CSNK1D: variants seen among roughly 807,000 people sequenced by gnomAD.
CSNK1D encodes casein kinase I isoform delta.
Under a neutral mutation model 46.6 loss-of-function variants are expected in CSNK1D, and 16 were observed. That is an observed-to-expected ratio of 0.34 (90% CI 0.23 to 0.52). The LOEUF is 0.52. CSNK1D is among the 20% of genes least tolerant of loss of function. The pLI, the probability that CSNK1D is intolerant of heterozygous loss-of-function variation, is 0.95. For missense variants in CSNK1D, 398 were observed against 578.4 expected (o/e 0.69, Z 3.20); for synonymous variants, 276 against 228.2 (o/e 1.21, Z -1.89).
chr17:82,240,140 G>T (rs568578625), downstream of CSNK1D: 2 of 1,116,610 alleles, frequency 1.8e-6, no homozygotes, highest in Non-Finnish European at 2.3e-6. Context: ...CGCCAGCTGG[G>T]CTTGAGCTCT....
rs1011742227 is a variant in CSNK1D at position 82,265,421 on chromosome 17, C to T, written c.187+265G>A. Reference sequence around the variant, plus strand: ...CTCAAACTACTGACCTCAAATGATCCACCCATCTTGGCCTCCCAAAGTGCT... The same window carrying T: ...CTCAAACTACTGACCTCAAATGATCTACCCATCTTGGCCTCCCAAAGTGCT... On this transcript the variant is annotated intron_variant, in intron 2 of 8. Transcript: ENST00000314028. 23 of 452,742 alleles carry T rather than the reference C, an allele frequency of 5.1e-5. 1 individual carries two copies. Among genetic ancestry groups the T allele is most frequent in the South Asian group, 4.7e-4 (23 of 49,118 alleles). 28.0% of individuals were successfully genotyped at this position (452,742 alleles called of 1,614,324 possible).
chr17:82,254,940 A>G (rs1188086457), intron 3 of CSNK1D, among the ~76,000 whole-genome samples: 7 of 135,436 alleles, frequency 5.2e-5, no homozygotes, highest in South Asian at 2.4e-4. Context: ...GAGCCATCGG[A>G]GCCTCGACAA....
At chr17:82,239,524 T>G (rs1294844420), downstream of CSNK1D, 2 of 175,050 alleles carry the variant, frequency 1.1e-5, no homozygotes, top group East Asian at 3.2e-4. Context: ...GTGGCCTGTG[T>G]CCTGACTCGC....
chr17:82,251,584 C>T lies in CSNK1D; in HGVS notation c.737-57G>A. On this transcript the variant is annotated intron_variant, in intron 5 of 8. Transcript: ENST00000314028. The surrounding 1 kb of genome is among the most constrained non-coding windows in gnomAD (Gnocchi z 4.5). ...GAAACCCAACTGCGACTCAAGGTGT[C>T]TCTGCCAACGTCGCTGTCTACCTCC... 6.3e-7 allele frequency: 1 copy of T among 1,592,156 alleles called. No homozygotes were observed. The highest frequency in any genetic ancestry group is 1.1e-5 in the South Asian group (1 of 89,694).
downstream of CSNK1D, among the ~76,000 whole-genome samples, chr17:82,241,546 A>G (rs1281766201): frequency 6.6e-6 from 1 of 152,216 alleles, no homozygotes; most frequent in Non-Finnish European, 1.5e-5. Context: ...GAACCCCAGG[A>G]GGGCAGCTGC....
At chr17:82,246,980 C>G (rs950015710) in intron 8 of CSNK1D, 4 of 985,360 alleles carry the variant, frequency 4.1e-6, no homozygotes, top group Admixed American at 6.1e-5. Flanking sequence ...TGTGCTGGTG[C>G]TGGCAGAGTC....
At chr17:82,245,527 C>T (rs779427169) in intron 8 of CSNK1D, 2 of 234,070 alleles carry the variant, frequency 8.5e-6, no homozygotes, top group Non-Finnish European at 8.6e-6. Flanking sequence ...CAGAGTGTGG[C>T]GCAGCAAGAG....
intron 2 of CSNK1D, among the ~76,000 whole-genome samples, chr17:82,262,603 T>C (rs1029068754): frequency 1.3e-5 from 2 of 152,074 alleles, no homozygotes; most frequent in African/African-American, 2.4e-5. Context: ...TTTTCAGAGA[T>C]AGCAGGACAA....
chr17:82,247,982 C>G (rs907612012), intron 8 of CSNK1D: 1 of 985,484 alleles, frequency 1.0e-6, no homozygotes, highest in Non-Finnish European at 1.2e-6. Flanking sequence ...CACCCAGCCC[C>G]GCTCACGGCA....
chr17:82,241,293 C>T (rs74513302), downstream of CSNK1D, among the ~76,000 whole-genome samples: 314 of 152,324 alleles, frequency 2.1e-3, 4 homozygotes, highest in Admixed American at 0.016. Context: ...CCAGAAAGGG[C>T]TTGGTGGCCC....
At position 82,273,452 on chromosome 17, in the gene CSNK1D, G is replaced by A; in HGVS notation, c.-71C>T. On this transcript the variant is annotated 5_prime_UTR_variant, in exon 1 of 9. Transcript: ENST00000314028. This position sits in a 1 kb window ranked among gnomAD's most constrained non-coding sequence, Gnocchi z 5.1. ...GGTCTGAACTCTGGGAGGCGGCGCC[G>A]CTGCTGCCGCTACTGCGGGTCCGGC... 6.4e-7 allele frequency: 1 copy of A among 1,569,470 alleles called. No individual in the cohort carries two copies. Among genetic ancestry groups the A allele is most frequent in the Non-Finnish European group, 8.7e-7 (1 of 1,153,636 alleles).
At chr17:82,247,008 G>A (rs766846746) in intron 8 of CSNK1D, 10 of 985,454 alleles carry the variant, frequency 1.0e-5, no homozygotes, top group South Asian at 4.7e-5. Flanking sequence ...AAGGACACAC[G>A]GCCAAAGCCT....
downstream of CSNK1D, among the ~76,000 whole-genome samples, chr17:82,240,364 G>A (rs116290354): frequency 6.3e-4 from 96 of 152,294 alleles, no homozygotes; most frequent in African/African-American, 1.9e-3. Flanking sequence ...CAGGCAGCCC[G>A]GGCCTCAGAG....
chr17:82,271,867 G>A (rs1458791731), intron 1 of CSNK1D, among the ~76,000 whole-genome samples: 2 of 152,182 alleles, frequency 1.3e-5, no homozygotes, highest in African/African-American at 4.8e-5. Flanking sequence ...GACCCTAGCT[G>A]ACAGGTGCCC....
intron 3 of CSNK1D, 79 bp from the exon 4 acceptor site, chr17:82,253,323 C>T (rs1197911877): frequency 9.2e-7 from 1 of 1,084,996 alleles, no homozygotes. Flanking sequence ...GACACTACAT[C>T]AGTGGCTGCA....
chr17:82,243,986 G>A lies in CSNK1D; in HGVS notation c.*795C>T, dbSNP rs1175900363. The A allele has an allele frequency of 1.0e-6, 1 of 986,388 alleles. No individual in the cohort carries two copies. The highest frequency in any genetic ancestry group is 1.7e-5 in the African/African-American group (1 of 57,212). The allele number at this position is 986,388 out of a possible 1,614,324, so 61.1% of individuals were successfully genotyped here. A position where few individuals can be genotyped will look rare whatever the true frequency, so the allele number is the denominator to read the frequency against. ...GGAAGAAGCGCGCAGTGCTTTGCCT[G>A]GTAACACCCACTGCACCCCTGCCCC... On this transcript the variant is annotated 3_prime_UTR_variant, in exon 9 of 9. Coordinates refer to ENST00000314028, the MANE Select transcript of CSNK1D (RefSeq NM_001893.6).
In CSNK1D at chr17:82,250,548, G is replaced by A. The variant is rs967042049; in HGVS notation, c.885+831C>T. ...GGGCCCCGAGGCTCGGGCCTGCCTC[G>A]CCTGCCATCTCTCCGGGGCCTCCAA... On this transcript the variant is annotated intron_variant, in intron 6 of 8. Coordinates refer to ENST00000314028, the MANE Select transcript of CSNK1D (RefSeq NM_001893.6). The surrounding 1 kb of genome is among the most constrained non-coding windows in gnomAD (Gnocchi z 4.6). 10 of 250,244 alleles carry A rather than the reference G, an allele frequency of 4.0e-5. No individual in the cohort carries two copies. The highest frequency in any genetic ancestry group is 2.0e-4 in the Admixed American group (4 of 20,204). The allele number at this position is 250,244 out of a possible 1,614,324, so 15.5% of individuals were successfully genotyped here. A position where few individuals can be genotyped will look rare whatever the true frequency, so the allele number is the denominator to read the frequency against.
chr17:82,249,311 G>T lies in CSNK1D; in HGVS notation c.1057+120C>A. The T allele has an allele frequency of 9.1e-7, 1 of 1,104,442 alleles. No homozygotes were observed. Among genetic ancestry groups the T allele is most frequent in the Non-Finnish European group, 1.3e-6 (1 of 772,776 alleles). 68.4% of individuals were successfully genotyped at this position (1,104,442 alleles called of 1,614,324 possible). Reference sequence around the variant, plus strand: ...CTGGCTCATCCACCCTCAGGAGCGAGCATCGCCTGACACAGGGCACTTAGT... The same window carrying T: ...CTGGCTCATCCACCCTCAGGAGCGATCATCGCCTGACACAGGGCACTTAGT... On this transcript the variant is annotated intron_variant, in intron 7 of 8. Coordinates refer to ENST00000314028, the MANE Select transcript of CSNK1D (RefSeq NM_001893.6). This position sits in a 1 kb window ranked among gnomAD's most constrained non-coding sequence, Gnocchi z 6.7.
intron 1 of CSNK1D, among the ~76,000 whole-genome samples, chr17:82,267,457 G>C (rs2051506356): frequency 6.6e-6 from 1 of 152,140 alleles, no homozygotes; most frequent in African/African-American, 2.4e-5. Flanking sequence ...GCCACTTCCA[G>C]CCTGGGCCCC....
Sources: gnomAD v4.1 joint callset for allele counts (sites outside exome capture counted in the v4.1 genomes callset) on GRCh38, gnomAD v4.1.1 for gene constraint, Gnocchi (gnomAD v3.1) non-coding constraint, MANE v1.5 for transcripts, NCBI Gene and HGNC (gene_info 2026-07-23, HGNC 2026-07-21) for gene names.